The following PDS5B variants were observed in gnomAD, a reference collection of about 807,000 sequenced individuals.
PDS5B encodes sister chromatid cohesion protein PDS5 homolog B.
In PDS5B, 51 loss-of-function variants were observed where a neutral mutation model predicts 184.1. The ratio of observed to expected loss-of-function variants is 0.28; its 90% CI spans 0.22 to 0.35. The LOEUF (loss-of-function observed/expected upper bound fraction) is 0.35, where lower values mean the gene tolerates loss of function less well. Ranked by LOEUF, PDS5B falls within the 10% of genes least tolerant of loss-of-function variation. The probability of loss-of-function intolerance (pLI) is 1.00; values close to 1 mark genes in which losing one functional copy is unlikely to be tolerated. For missense variants in PDS5B, 1,180 were observed against 1,723.3 expected (o/e 0.68, Z 5.58); for synonymous variants, 566 against 569.2 (o/e 0.99, Z 0.08).
At chr13:32,609,368 A>G (rs1022787160) in intron 1 of PDS5B, among the ~76,000 whole-genome samples, 2 of 152,128 alleles carry the variant, frequency 1.3e-5, no homozygotes, top group Non-Finnish European at 2.9e-5. Context: ...TTACATTAAG[A>G]GGAAAATACT....
chr13:32,770,624 C>T (rs1327218885), intron 32 of PDS5B, 30 bp from the exon 33 acceptor site: 1 of 1,599,756 alleles, frequency 6.3e-7, no homozygotes, highest in Non-Finnish European at 8.5e-7. Flanking sequence ...TAATTTGATG[C>T]TATCCACATT....
chr13:32,716,632 C>CT (rs1952434229), intron 19 of PDS5B, among the ~76,000 whole-genome samples: 2 of 140,450 alleles, frequency 1.4e-5, no homozygotes, highest in African/African-American at 2.6e-5. Context: ...GTCAGCCCCC[C>CT]GCCCGGCCAG....
intron 3 of PDS5B, among the ~76,000 whole-genome samples, chr13:32,654,545 G>A (rs566994372): frequency 6.6e-6 from 1 of 152,042 alleles, no homozygotes; most frequent in African/African-American, 2.4e-5. Context: ...TTAAAAAATT[G>A]TGTTTTAGGT....
chr13:32,732,320 A>G, intron 20 of PDS5B, 96 bp downstream of exon 20: 1 of 786,368 alleles, frequency 1.3e-6, no homozygotes, highest in Non-Finnish European at 2.1e-6. Flanking sequence ...GTGATGCATC[A>G]TTTTGTAATA....
At chr13:32,688,293 C>A (rs914726103) in intron 12 of PDS5B, among the ~76,000 whole-genome samples, 163 bp from the exon 13 acceptor site, 9 of 151,988 alleles carry the variant, frequency 5.9e-5, no homozygotes, top group African/African-American at 1.9e-4. Flanking sequence ...TGTTTTGGTC[C>A]CCTTCTATCT....
chr13:32,686,753 C>T (rs1951404175), intron 11 of PDS5B, among the ~76,000 whole-genome samples: 1 of 152,170 alleles, frequency 6.6e-6, no homozygotes, highest in South Asian at 2.1e-4. Flanking sequence ...CCACTTCACT[C>T]CAACTTGGGC....
intron 19 of PDS5B, among the ~76,000 whole-genome samples, chr13:32,714,396 C>T (rs1952305409): frequency 6.6e-6 from 1 of 152,100 alleles, no homozygotes; most frequent in South Asian, 2.1e-4. Context: ...GCACCATTGT[C>T]ATTGATAACA....
chr13:32,726,350 A>G (rs997450937), intron 19 of PDS5B, among the ~76,000 whole-genome samples: 3 of 152,130 alleles, frequency 2.0e-5, no homozygotes, highest in Admixed American at 6.5e-5. Flanking sequence ...TAACCAGTTC[A>G]TTATTTATGG....
Position 32,672,757 on chromosome 13 carries a change from G to A in PDS5B, c.706-459G>A, listed in dbSNP as rs574747228. ...TTCTATTGGGCCTTCCAGCCTATTT[G>A]GATGATGCCTGCCCATACTGAGGGC... On this transcript the variant is annotated intron_variant, in intron 7 of 34. Coordinates refer to ENST00000315596, the MANE Select transcript of PDS5B (RefSeq NM_015032.4). Among the ~76,000 whole-genome samples, 3 of 152,268 alleles carry A rather than the reference G, an allele frequency of 2.0e-5. No individual in the cohort carries two copies. In the East Asian group the frequency reaches 5.8e-4, roughly 29 times the overall value.
intron 14 of PDS5B, among the ~76,000 whole-genome samples, chr13:32,696,015 GCAA>G (rs1433593202): frequency 1.3e-5 from 2 of 152,074 alleles, no homozygotes; most frequent in African/African-American, 4.8e-5. Context: ...AAATAAAACA[GCAA>G]CAATAGAAAT....
intron 1 of PDS5B, among the ~76,000 whole-genome samples, chr13:32,632,261 C>T (rs1310454824): frequency 6.6e-6 from 1 of 151,974 alleles, no homozygotes; most frequent in East Asian, 1.9e-4. Flanking sequence ...AAAATATTTG[C>T]AAGTCATATC....
intron 1 of PDS5B, among the ~76,000 whole-genome samples, chr13:32,639,701 G>A (rs2058624672): frequency 1.3e-5 from 2 of 152,140 alleles, no homozygotes; most frequent in Admixed American, 1.3e-4. Context: ...TTTATGGAGG[G>A]CACCATCTGC....
chr13:32,636,197 T>A (rs944257348), intron 1 of PDS5B, among the ~76,000 whole-genome samples: 2 of 152,132 alleles, frequency 1.3e-5, no homozygotes, highest in Non-Finnish European at 2.9e-5. Flanking sequence ...TCGTCAGCTT[T>A]CTGAACTTCA....
chr13:32,744,621 C>T (rs1953680657), intron 23 of PDS5B, among the ~76,000 whole-genome samples: 1 of 152,092 alleles, frequency 6.6e-6, no homozygotes, highest in African/African-American at 2.4e-5. Flanking sequence ...ATAGATAACA[C>T]AGGAAGCATC....
In PDS5B at chr13:32,659,223, T is replaced by C. The variant is rs1210036108; in HGVS notation, c.567T>C (p.Asp189=). 6.2e-6 allele frequency: 10 copies of C among 1,601,236 alleles called. No individual in the cohort carries two copies. Among genetic ancestry groups the C allele is most frequent in the African/African-American group, 2.7e-5 (2 of 74,796 alleles). ...TGAGCTCTATTATTTGTGAAGGTGATACAGTGTCTCAGGAGCTTTTGGATA... is the reference window on the plus strand; with the variant it reads ...TGAGCTCTATTATTTGTGAAGGTGACACAGTGTCTCAGGAGCTTTTGGATA... The part of the protein sequence containing the change: ...DLMSSIICEG[D]TVSQELLDTV... The change falls in exon 6 of 35, where the codon GAT becomes GAC. Residue 189 remains aspartate (D), a synonymous_variant. Coordinates refer to ENST00000315596, the MANE Select transcript of PDS5B (RefSeq NM_015032.4).
At chr13:32,601,689 G>A (rs964683886) in intron 1 of PDS5B, among the ~76,000 whole-genome samples, 3 of 152,198 alleles carry the variant, frequency 2.0e-5, no homozygotes, top group Non-Finnish European at 1.5e-5. Context: ...AATAGATAGG[G>A]CTGTTGGACA....
intron 19 of PDS5B, among the ~76,000 whole-genome samples, chr13:32,719,536 C>A (rs1359464233): frequency 1.3e-5 from 2 of 151,594 alleles, no homozygotes; most frequent in Admixed American, 6.6e-5. Flanking sequence ...CTATGTGTTA[C>A]CCCCCACTCC....
chr13:32,715,107 C>T (rs1326735585), intron 19 of PDS5B, among the ~76,000 whole-genome samples: 2 of 152,204 alleles, frequency 1.3e-5, no homozygotes, highest in Admixed American at 1.3e-4. Flanking sequence ...CCCTGACTTC[C>T]TGCAACATAG....
rs1443202124 is a variant in PDS5B, at chr13:32,661,401, AAAAAAAAAAC to A, written c.624+2123_624+2132del. 1.8e-3 allele frequency among the ~76,000 whole-genome samples: 277 copies of A among 150,172 alleles called. 1 individual carries two copies. Among genetic ancestry groups the A allele is most frequent in the African/African-American group, 6.5e-3 (270 of 41,248 alleles). On this transcript the variant is annotated intron_variant, in intron 6 of 34. Transcript: ENST00000315596. Reference sequence around the variant, plus strand: ...ACTCTGTCTCAAAAAAAAAAAAAAAAAAAAAAAAACAGAAAAAGAAAAAGAAAAATGACCA... The same window carrying A: ...ACTCTGTCTCAAAAAAAAAAAAAAAAAGAAAAAGAAAAAGAAAAATGACCA...
Sources: allele counts gnomAD v4.1 joint callset (sites outside exome capture counted in the v4.1 genomes callset), GRCh38; gene constraint gnomAD v4.1.1; transcripts MANE v1.5; gene names NCBI Gene and HGNC (gene_info 2026-07-23, HGNC 2026-07-21).